The following PALLD variants were observed in gnomAD, a reference collection of about 807,000 sequenced individuals.
PALLD encodes the protein palladin.
PALLD carries 61 observed loss-of-function variants against 123.5 expected under a neutral mutation model. The observed-to-expected ratio is 0.49, with a 90% confidence interval of 0.40 to 0.61. The LOEUF (loss-of-function observed/expected upper bound fraction) is 0.61. Ranked by LOEUF, PALLD falls within the 20% of genes least tolerant of loss-of-function variation. The probability of loss-of-function intolerance (pLI) is 0.00; values close to 1 mark genes in which losing one functional copy is unlikely to be tolerated. For missense variants in PALLD, 1,273 were observed against 1,377.0 expected, an observed-to-expected ratio of 0.92 and a Z score of 1.20; for synonymous variants, 465 against 496.4, an observed-to-expected ratio of 0.94 and a Z score of 0.84.
chr4:168,630,598 G>T (rs142102266), intron 2 of PALLD, among the ~76,000 whole-genome samples: 1 of 151,990 alleles, frequency 6.6e-6, no homozygotes, highest in Admixed American at 6.6e-5. Flanking sequence ...TTCTATTTCC[G>T]GAACGCATTT....
chr4:168,692,201 C>T (rs891269894), intron 8 of PALLD, among the ~76,000 whole-genome samples: 1 of 152,188 alleles, frequency 6.6e-6, no homozygotes, highest in Non-Finnish European at 1.5e-5. Flanking sequence ...TGGGCCACTG[C>T]AGGTCAGATT....
chr4:168,732,382 C>T (rs181272096), intron 10 of PALLD, among the ~76,000 whole-genome samples: 5 of 152,156 alleles, frequency 3.3e-5, no homozygotes, highest in South Asian at 2.1e-4. Flanking sequence ...GGAGAAGGCT[C>T]GAAGAAATGT....
chr4:168,918,838 T>C (rs1272510779), intron 17 of PALLD, among the ~76,000 whole-genome samples: 1 of 152,184 alleles, frequency 6.6e-6, no homozygotes, highest in Non-Finnish European at 1.5e-5. Context: ...ACTTGTAAAA[T>C]AACGTTTTGA....
intron 10 of PALLD, among the ~76,000 whole-genome samples, chr4:168,717,073 C>A (rs1465583548): frequency 6.6e-6 from 1 of 152,130 alleles, no homozygotes; most frequent in East Asian, 1.9e-4. Context: ...TTATCGCATA[C>A]CACATAATTA....
chr4:168,744,489 A>G (rs1219802526), intron 10 of PALLD, among the ~76,000 whole-genome samples: 1 of 108,192 alleles, frequency 9.2e-6, no homozygotes, highest in Non-Finnish European at 1.9e-5. Context: ...GGTGTCTGGA[A>G]AAACAGAACT....
chr4:168,570,278 T>C (rs2149605544), intron 2 of PALLD, among the ~76,000 whole-genome samples: 1 of 152,306 alleles, frequency 6.6e-6, no homozygotes, highest in Admixed American at 6.5e-5. Flanking sequence ...TGCTGAAATG[T>C]TTGGTTTTTG....
intron 17 of PALLD, among the ~76,000 whole-genome samples, chr4:168,916,684 C>T (rs370469483): frequency 1.1e-4 from 15 of 136,458 alleles, no homozygotes; most frequent in South Asian, 2.3e-4. Context: ...TTTTCTAATT[C>T]TTTTTTTTTT....
At position 168,517,942 on chromosome 4, in the gene PALLD, T is replaced by C. The variant is rs141015122; in HGVS notation, c.908+5530T>C. 4.1e-3 allele frequency among the ~76,000 whole-genome samples: 621 copies of C among 152,288 alleles called. 6 individuals are homozygous for C. The highest frequency in any genetic ancestry group is 0.014 in the African/African-American group (595 of 41,552). On this transcript the variant is annotated intron_variant, in intron 2 of 21. Transcript: ENST00000505667. ...TTACGATACACAATTAAGATGTGCA[T>C]ACACTAAGCCTTTATAGATACACAA... is the stretch of plus-strand genomic sequence containing the variant.
intron 17 of PALLD, 143 bp from the exon 18 acceptor site, chr4:168,921,389 AAG>A (rs1287667103): frequency 1.7e-6 from 1 of 597,964 alleles, no homozygotes; most frequent in Non-Finnish European, 2.9e-6. Flanking sequence ...CCTGGGCAAT[AAG>A]AGTGAAACTC....
chr4:168,827,891 A>T (rs79158179), intron 10 of PALLD, among the ~76,000 whole-genome samples: 1 of 152,216 alleles, frequency 6.6e-6, no homozygotes, highest in African/African-American at 2.4e-5. Flanking sequence ...AATACAAAAA[A>T]TTAGCTGGGT....
chr4:168,499,332 GGGA>G (rs1761139452), intron 1 of PALLD, among the ~76,000 whole-genome samples: 2 of 82,764 alleles, frequency 2.4e-5, no homozygotes, highest in Non-Finnish European at 2.5e-5. Flanking sequence ...TGGAAGAAGG[GGGA>G]AGGGAGGCAG....
intron 2 of PALLD, among the ~76,000 whole-genome samples, chr4:168,515,422 G>C (rs1012925348): frequency 6.6e-6 from 1 of 152,218 alleles, no homozygotes; most frequent in South Asian, 2.1e-4. Flanking sequence ...GCCATTTCCT[G>C]AGGTCACAGA....
intron 10 of PALLD, among the ~76,000 whole-genome samples, chr4:168,836,196 C>T (rs1404302197): frequency 2.6e-5 from 4 of 152,232 alleles, no homozygotes; most frequent in Admixed American, 1.3e-4. Context: ...TAGCTAATGT[C>T]AGTGCCGAGT....
At chr4:168,642,048 C>T (rs1443543118) in intron 2 of PALLD, among the ~76,000 whole-genome samples, 2 of 152,176 alleles carry the variant, frequency 1.3e-5, no homozygotes, top group East Asian at 3.9e-4. Context: ...ATAAGGAGCA[C>T]AGCCAGGATG....
chr4:168,502,698 G>C (rs1004602848), intron 1 of PALLD, among the ~76,000 whole-genome samples: 3 of 152,116 alleles, frequency 2.0e-5, no homozygotes, highest in Non-Finnish European at 4.4e-5. Context: ...CCAGGAGTTT[G>C]AGACTGGCAT....
At chr4:168,681,263 T>C (rs952632217) in intron 3 of PALLD, 69 bp from the exon 4 acceptor site, 2 of 920,884 alleles carry the variant, frequency 2.2e-6, no homozygotes, top group Admixed American at 1.7e-5. Context: ...AAGGGAAATA[T>C]AATTCTTTGC....
chr4:168,668,404 G>T (rs991108168), intron 3 of PALLD, 36 bp downstream of exon 3: 4 of 1,537,016 alleles, frequency 2.6e-6, no homozygotes, highest in East Asian at 2.3e-5. Context: ...GGATAAAGGG[G>T]TGTCAATGGT....
chr4:168,574,485 A>G (rs535248946), intron 2 of PALLD, among the ~76,000 whole-genome samples: 14 of 152,244 alleles, frequency 9.2e-5, no homozygotes, highest in South Asian at 4.1e-4. Context: ...TTATGCCTCC[A>G]TTATGCAAGG....
At chr4:168,809,018 T>C (rs1037360246) in intron 10 of PALLD, among the ~76,000 whole-genome samples, 13 of 152,202 alleles carry the variant, frequency 8.5e-5, no homozygotes, top group African/African-American at 2.7e-4. Context: ...TATCCTCTTA[T>C]TTATTTAAAC....
Sources: allele counts gnomAD v4.1 joint callset (sites outside exome capture counted in the v4.1 genomes callset), GRCh38; gene constraint gnomAD v4.1.1; transcripts MANE v1.5; gene names NCBI Gene and HGNC (gene_info 2026-07-23, HGNC 2026-07-21).